The following SLF1 variants were observed in gnomAD, a reference collection of about 807,000 sequenced individuals.
The protein encoded by SLF1 is SMC5/6 complex localization factor 1.
SLF1 carries 105 observed loss-of-function variants against 123.0 expected under a neutral mutation model. The ratio of observed to expected loss-of-function variants is 0.85; its 90% CI spans 0.73 to 1.00. The LOEUF is 1.00. Ranked by LOEUF, SLF1 falls within the 50% of genes least tolerant of loss-of-function variation. SLF1 has a pLI of 0.00. For missense variants in SLF1, 1,239 were observed against 1,223.0 expected, an observed-to-expected ratio of 1.01 and a Z score of -0.20; for synonymous variants, 434 against 406.6, an observed-to-expected ratio of 1.07 and a Z score of -0.81.
chr5:94,642,170 TG>T, intron 4 of SLF1, among the ~76,000 whole-genome samples: 1 of 152,218 alleles, frequency 6.6e-6, no homozygotes, highest in African/African-American at 2.4e-5. Context: ...TTGCTTTATA[TG>T]AGAGAACGGT....
chr5:94,625,567 G>C (rs1792164397), intron 1 of SLF1, among the ~76,000 whole-genome samples: 1 of 151,806 alleles, frequency 6.6e-6, no homozygotes, highest in South Asian at 2.1e-4. Context: ...TATTTTAGTA[G>C]AGATGGGGTT....
chr5:94,646,341 C>CT (rs1447970322), intron 5 of SLF1, among the ~76,000 whole-genome samples: 3 of 152,114 alleles, frequency 2.0e-5, no homozygotes, highest in Non-Finnish European at 4.4e-5. Flanking sequence ...AACTGGAAAT[C>CT]TATGTATTTC....
intron 5 of SLF1, among the ~76,000 whole-genome samples, chr5:94,647,091 T>G (rs1397368843): frequency 6.6e-6 from 1 of 152,196 alleles, no homozygotes; most frequent in East Asian, 1.9e-4. Context: ...CAATAAATTT[T>G]AAGGTTTCTT....
At chr5:94,684,494 T>A (rs564158079) in intron 15 of SLF1, among the ~76,000 whole-genome samples, 2 of 151,746 alleles carry the variant, frequency 1.3e-5, no homozygotes, top group South Asian at 4.1e-4. Flanking sequence ...GTCAGGAGAT[T>A]GAGACCATCC....
intron 15 of SLF1, among the ~76,000 whole-genome samples, chr5:94,680,871 T>C (rs1205851206): frequency 6.6e-6 from 1 of 152,202 alleles, no homozygotes; most frequent in African/African-American, 2.4e-5. Context: ...GTGAGTAACA[T>C]GAACTTAAAC....
chr5:94,671,406 TGTTGA>T (rs561261727), intron 14 of SLF1, among the ~76,000 whole-genome samples: 151 of 151,468 alleles, frequency 1.0e-3, no homozygotes, highest in African/African-American at 3.3e-3. Context: ...CCTCTTTTGA[TGTTGA>T]GTTATTTTCT....
chr5:94,631,460 A>G (rs1025802660), intron 4 of SLF1, among the ~76,000 whole-genome samples: 2 of 152,292 alleles, frequency 1.3e-5, no homozygotes, highest in East Asian at 1.9e-4. Flanking sequence ...TTTTATCACT[A>G]TAGACTAGAT....
At chr5:94,620,207 G>T (rs573117539) in intron 1 of SLF1, 1 of 152,198 alleles carries the variant, frequency 6.6e-6, no homozygotes, top group African/African-American at 2.4e-5. Context: ...AAGGAACTAG[G>T]ATGTTCAAAT....
intron 14 of SLF1, 181 bp from the exon 15 acceptor site, chr5:94,678,627 A>T (rs1751383672): frequency 2.0e-6 from 1 of 490,600 alleles, no homozygotes; most frequent in South Asian, 4.3e-5. Context: ...TCATGTGGAG[A>T]GAGAGAGAGA....
At chr5:94,618,483 C>T (rs1286768894), upstream of SLF1, 2 of 152,918 alleles carry the variant, frequency 1.3e-5, no homozygotes, top group Non-Finnish European at 2.9e-5. Context: ...AGGAGAAAAC[C>T]CAGTAAAATC....
intron 14 of SLF1, among the ~76,000 whole-genome samples, chr5:94,674,737 T>C (rs1750852399): frequency 6.6e-6 from 1 of 152,214 alleles, no homozygotes; most frequent in Non-Finnish European, 1.5e-5. Flanking sequence ...TGGCAGTGAA[T>C]TTCATTGTCA....
At position 94,651,831 on chromosome 5, in the gene SLF1, A is replaced by G. The variant is rs753546314; in HGVS notation, c.868A>G (p.Thr290Ala). 27 of 1,418,248 alleles carry G rather than the reference A, an allele frequency of 1.9e-5. 1 individual carries two copies. In the South Asian group the frequency reaches 3.4e-4, roughly 18 times the overall value. The allele number at this position is 1,418,248 out of a possible 1,614,324, so 87.9% of individuals were successfully genotyped here. A position where few individuals can be genotyped will look rare whatever the true frequency, so the allele number is the denominator to read the frequency against. ...AATGAGAAATACCTTTGGAAGCCAT[A>G]CATATGAAAATCAGGTACAACTTTC... ...VKMRNTFGSH[T>A]YENQKEIKKK... The change falls in exon 7 of 21, where the codon ACA becomes GCA. Residue 290 changes from threonine (T) to alanine (A), a missense_variant. Transcript: ENST00000265140.
intron 9 of SLF1, among the ~76,000 whole-genome samples, chr5:94,658,533 C>T (rs1015035601): frequency 2.6e-5 from 4 of 151,924 alleles, no homozygotes; most frequent in African/African-American, 9.7e-5. Context: ...AATCTGTTGT[C>T]ACCCTGATTG....
intron 4 of SLF1, among the ~76,000 whole-genome samples, chr5:94,633,699 G>A (rs1212224594): frequency 6.6e-6 from 1 of 152,174 alleles, no homozygotes; most frequent in Admixed American, 6.5e-5. Flanking sequence ...AGTGAATTTA[G>A]CGAGATCAAA....
chr5:94,623,015 CTG>C (rs1402268647), intron 1 of SLF1, among the ~76,000 whole-genome samples: 4 of 152,044 alleles, frequency 2.6e-5, no homozygotes, highest in Admixed American at 6.6e-5. Context: ...ATCTGTATTC[CTG>C]TCTTTCCTTG....
intron 4 of SLF1, among the ~76,000 whole-genome samples, chr5:94,635,602 G>A (rs1393065706): frequency 1.3e-5 from 2 of 151,490 alleles, no homozygotes; most frequent in Admixed American, 6.6e-5. Context: ...ATCTAGTAGA[G>A]ATTTTCCTTT....
chr5:94,689,146 G>A (rs12653116), intron 17 of SLF1, among the ~76,000 whole-genome samples: 33,774 of 152,104 alleles, frequency 0.22, 3,887 homozygotes, highest in East Asian at 0.35. Flanking sequence ...AAGTAAGAAT[G>A]GGGAGCAGAG....
intron 6 of SLF1, 30 bp from the exon 7 acceptor site, chr5:94,651,672 C>A: frequency 6.7e-7 from 1 of 1,485,428 alleles, no homozygotes; most frequent in South Asian, 1.4e-5. Context: ...AATCCACAGT[C>A]TTAACTAAAT....
chr5:94,646,197 A>G (rs928090266), intron 5 of SLF1, among the ~76,000 whole-genome samples: 19 of 152,216 alleles, frequency 1.2e-4, no homozygotes, highest in Non-Finnish European at 7.3e-5. Context: ...AGTTAGCACT[A>G]TGATTGTGCC....
Sources: allele counts gnomAD v4.1 joint callset (sites outside exome capture counted in the v4.1 genomes callset), GRCh38; gene constraint gnomAD v4.1.1; transcripts MANE v1.5; gene names NCBI Gene and HGNC (gene_info 2026-07-23, HGNC 2026-07-21).